The following PREX2 variants were observed in gnomAD, a reference collection of about 807,000 sequenced individuals.
The protein encoded by PREX2 is phosphatidylinositol 3,4,5-trisphosphate-dependent Rac exchanger 2 protein.
Under a neutral mutation model 203.2 loss-of-function variants are expected in PREX2, and 107 were observed. The ratio of observed to expected loss-of-function variants is 0.53; its 90% CI spans 0.45 to 0.62. The LOEUF (loss-of-function observed/expected upper bound fraction) is 0.62, where lower values mean the gene tolerates loss of function less well. Ranked by LOEUF, PREX2 falls within the 20% of genes least tolerant of loss-of-function variation. PREX2 has a pLI of 0.00. For missense variants in PREX2, 1,777 were observed against 1,955.9 expected (o/e 0.91, Z 1.72); for synonymous variants, 672 against 663.6 (o/e 1.01, Z -0.19).
chr8:67,960,178 A>G (rs1244453643), intron 1 of PREX2, among the ~76,000 whole-genome samples: 1 of 151,996 alleles, frequency 6.6e-6, no homozygotes, highest in African/African-American at 2.4e-5. Context: ...AGTAGCTGGG[A>G]CTACAGGCAC....
At chr8:67,993,785 A>G (rs1019492687) in intron 1 of PREX2, among the ~76,000 whole-genome samples, 2 of 152,166 alleles carry the variant, frequency 1.3e-5, no homozygotes, top group African/African-American at 4.8e-5. Context: ...TACCCACCAC[A>G]TATACATATT....
intron 4 of PREX2, 131 bp from the exon 5 acceptor site, chr8:68,027,091 A>G (rs952012945): frequency 4.4e-6 from 3 of 686,656 alleles, no homozygotes; most frequent in Non-Finnish European, 7.8e-6. Context: ...GTGACTGAAT[A>G]TGCTCTTCTT....
chr8:68,192,193 A>G (rs1812308715), intron 36 of PREX2, 142 bp from the exon 37 acceptor site: 1 of 619,350 alleles, frequency 1.6e-6, no homozygotes, highest in South Asian at 2.3e-5. Flanking sequence ...CATATGAGTA[A>G]TTATAAATAT....
At chr8:68,123,930 C>G (rs1480239760) in intron 30 of PREX2, among the ~76,000 whole-genome samples, 1 of 152,064 alleles carries the variant, frequency 6.6e-6, no homozygotes, top group Admixed American at 6.6e-5. Context: ...CCAGCACTAT[C>G]CTGATACCAA....
At chr8:68,070,441 A>T (rs1455272492) in intron 13 of PREX2, among the ~76,000 whole-genome samples, 4 of 151,858 alleles carry the variant, frequency 2.6e-5, no homozygotes, top group African/African-American at 9.7e-5. Context: ...TTAAAAGAGG[A>T]ATCAGGATTA....
chr8:68,100,895 C>G (rs1810246395), intron 23 of PREX2, among the ~76,000 whole-genome samples: 1 of 152,054 alleles, frequency 6.6e-6, no homozygotes, highest in East Asian at 1.9e-4. Flanking sequence ...TTGCAATGGC[C>G]CAGTTGAATG....
At chr8:68,161,378 C>G (rs2129614005) in intron 35 of PREX2, among the ~76,000 whole-genome samples, 2 of 152,214 alleles carry the variant, frequency 1.3e-5, no homozygotes, top group East Asian at 3.9e-4. Flanking sequence ...CAAGCGTGAG[C>G]CACCATGCCT....
intron 6 of PREX2, among the ~76,000 whole-genome samples, chr8:68,037,489 C>T (rs532302999): frequency 1.8e-4 from 27 of 152,310 alleles, no homozygotes; most frequent in African/African-American, 5.5e-4. Context: ...AGGGCCCAGG[C>T]TCCTCCCATC....
At chr8:68,068,188 T>A (rs575549927) in intron 11 of PREX2, among the ~76,000 whole-genome samples, 1 of 152,026 alleles carries the variant, frequency 6.6e-6, no homozygotes, top group Non-Finnish European at 1.5e-5. Context: ...CTTGTAGTAT[T>A]CATATCTGGC....
chr8:68,027,496 T>C (rs770409244), intron 5 of PREX2, among the ~76,000 whole-genome samples, 173 bp downstream of exon 5: 2 of 152,086 alleles, frequency 1.3e-5, no homozygotes, highest in Non-Finnish European at 2.9e-5. Flanking sequence ...AGGAAACAGA[T>C]GTTCAGTGGA....
At chr8:68,002,865 T>C (rs1412839786) in intron 1 of PREX2, among the ~76,000 whole-genome samples, 2 of 152,196 alleles carry the variant, frequency 1.3e-5, no homozygotes, top group Non-Finnish European at 2.9e-5. Flanking sequence ...TGCAGACTGG[T>C]TAAATCAAGT....
chr8:67,960,035 TTTAA>T (rs145839477), intron 1 of PREX2, among the ~76,000 whole-genome samples: 127 of 150,602 alleles, frequency 8.4e-4, no homozygotes, highest in East Asian at 7.4e-3. Flanking sequence ...TTCTTTTCTT[TTTAA>T]TTAATTAATT....
chr8:68,092,408 T>C (rs1202076681), intron 20 of PREX2, among the ~76,000 whole-genome samples: 1 of 152,194 alleles, frequency 6.6e-6, no homozygotes, highest in East Asian at 1.9e-4. Context: ...AAAAAATAGA[T>C]AATACATATT....
chr8:67,981,958 A>G (rs1806285279), intron 1 of PREX2, among the ~76,000 whole-genome samples: 2 of 152,188 alleles, frequency 1.3e-5, no homozygotes, highest in South Asian at 2.1e-4. Flanking sequence ...TGCACTCTAT[A>G]TACTCTATCT....
chr8:67,982,328 G>T (rs1389342150), intron 1 of PREX2, among the ~76,000 whole-genome samples: 2 of 152,094 alleles, frequency 1.3e-5, no homozygotes, highest in African/African-American at 4.8e-5. Flanking sequence ...ATGCTGAAGT[G>T]GGAGGATAGC....
At chr8:68,174,528 G>C (rs1811941498) in intron 35 of PREX2, among the ~76,000 whole-genome samples, 1 of 151,920 alleles carries the variant, frequency 6.6e-6, no homozygotes. Context: ...CACTTTCCTT[G>C]GCCAATTCCT....
chr8:68,172,992 T>C (rs7005246), intron 35 of PREX2, among the ~76,000 whole-genome samples: 1 of 152,134 alleles, frequency 6.6e-6, no homozygotes, highest in Admixed American at 6.5e-5. Flanking sequence ...CTGGAATTAA[T>C]CAATCACTCT....
chr8:68,209,380 C>A (rs1812703191), intron 37 of PREX2, among the ~76,000 whole-genome samples: 2 of 151,982 alleles, frequency 1.3e-5, no homozygotes, highest in South Asian at 4.2e-4. Flanking sequence ...AAAAGGAGAA[C>A]CCTCATAAAG....
chr8:68,112,354 C>T (rs1810551161), intron 25 of PREX2, among the ~76,000 whole-genome samples: 1 of 152,150 alleles, frequency 6.6e-6, no homozygotes, highest in African/African-American at 2.4e-5. Context: ...TTTGTGTATT[C>T]TCACAGGGAG....
Sources: gnomAD v4.1 joint callset for allele counts (sites outside exome capture counted in the v4.1 genomes callset) on GRCh38, gnomAD v4.1.1 for gene constraint, MANE v1.5 for transcripts, NCBI Gene and HGNC (gene_info 2026-07-23, HGNC 2026-07-21) for gene names.